AHR: variants seen among roughly 807,000 people sequenced by gnomAD.
AHR encodes the protein aryl hydrocarbon receptor.
Under a neutral mutation model 86.8 loss-of-function variants are expected in AHR, and 40 were observed. The observed-to-expected ratio is 0.46, with a 90% CI of 0.36 to 0.60. The LOEUF is 0.60. AHR is among the 20% of genes least tolerant of loss of function. The probability of loss-of-function intolerance (pLI) is 0.00; values close to 1 mark genes in which losing one functional copy is unlikely to be tolerated. For synonymous variants in AHR, 398 were observed against 354.9 expected, an observed-to-expected ratio of 1.12 and a Z score of -1.37; for missense variants, 1,001 against 1,011.6, an observed-to-expected ratio of 0.99 and a Z score of 0.14.
chr7:17,323,569 AC>A (rs1334686024), intron 3 of AHR, among the ~76,000 whole-genome samples: 1 of 152,134 alleles, frequency 6.6e-6, no homozygotes, highest in Admixed American at 6.6e-5. Context: ...GTGTGCTGTC[AC>A]CGCTATGTGA....
In AHR at chr7:17,299,014, C is replaced by G; in HGVS notation, c.-251C>G. 2.1e-6 allele frequency: 1 copy of G among 470,364 alleles called. No individual in the cohort carries two copies. Among genetic ancestry groups the G allele is most frequent in the Non-Finnish European group, 3.7e-6 (1 of 271,964 alleles). 29.1% of individuals were successfully genotyped at this position (470,364 alleles called of 1,614,324 possible). A position where few individuals can be genotyped will look rare whatever the true frequency, so the allele number is the denominator to read the frequency against. ...CACCTGCGCCGCCTTGCTCGCGGGT[C>G]TCCGCCCCTCGCCCACCCTCACTGC... On this transcript the variant is annotated 5_prime_UTR_variant, in exon 1 of 11. Coordinates refer to ENST00000242057, the MANE Select transcript of AHR (RefSeq NM_001621.5).
intron 1 of AHR, among the ~76,000 whole-genome samples, chr7:17,303,815 G>A (rs993357266): frequency 2.6e-5 from 4 of 151,950 alleles, no homozygotes; most frequent in African/African-American, 9.7e-5. Flanking sequence ...GAACCAAATC[G>A]TACACTCCAA....
At chr7:17,299,969 G>A (rs1190929469) in intron 1 of AHR, among the ~76,000 whole-genome samples, 2 of 152,238 alleles carry the variant, frequency 1.3e-5, no homozygotes, top group African/African-American at 2.4e-5. Context: ...GGATACGGTG[G>A]AGGATTTGTA....
rs1233054862 is a variant in AHR, at chr7:17,334,937, C to T, written c.959C>T (p.Ser320Leu). Residue 320 changes from serine (S) to leucine (L), a missense_variant, in exon 8 of 11, where the codon TCA becomes TTA. By Grantham distance (145) the Ser-to-Leu change is moderately radical. This residue lies in a region of AHR where 394 missense variants were observed against 468.5 expected (regional missense o/e 0.84). Coordinates refer to ENST00000242057, the MANE Select transcript of AHR (RefSeq NM_001621.5). ...GAAGCAGAGCTGTGCACGAGAGGCT[C>T]AGGTTATCAGTTTATTCATGCAGCT... ...YTEAELCTRG[S>L]GYQFIHAADM... The T allele has an allele frequency of 6.2e-7, 1 of 1,613,152 alleles. No homozygotes were observed. The highest frequency in any genetic ancestry group is 8.5e-7 in the Non-Finnish European group (1 of 1,179,422).
intron 9 of AHR, among the ~76,000 whole-genome samples, chr7:17,336,935 T>A (rs1782360141): frequency 6.6e-6 from 1 of 152,162 alleles, no homozygotes; most frequent in Non-Finnish European, 1.5e-5. Context: ...CCTTCTACTT[T>A]CTTTGGGTAT....
chr7:17,323,750 A>T (rs1782197628), intron 3 of AHR, among the ~76,000 whole-genome samples: 1 of 152,178 alleles, frequency 6.6e-6, no homozygotes, highest in Admixed American at 6.5e-5. Flanking sequence ...TGTTAGCAAA[A>T]ATTAACTTAT....
At chr7:17,337,405 T>G (rs1201194968) in intron 9 of AHR, among the ~76,000 whole-genome samples, 1 of 152,090 alleles carries the variant, frequency 6.6e-6, no homozygotes, top group Non-Finnish European at 1.5e-5. Context: ...ATATTTTATG[T>G]GCTTCTGTTA....
At chr7:17,337,770 C>T (rs191648918) in intron 9 of AHR, among the ~76,000 whole-genome samples, 10 of 151,774 alleles carry the variant, frequency 6.6e-5, no homozygotes, top group African/African-American at 1.9e-4. Context: ...CCACCGCGCC[C>T]GGCCCTTTTT....
rs1781925943 is a variant in AHR at position 17,299,182 on chromosome 7, C to T, written c.-83C>T. 8 of 1,453,776 alleles carry T rather than the reference C, an allele frequency of 5.5e-6. No individual in the cohort carries two copies. In the South Asian group the frequency reaches 9.3e-5, roughly 17 times the overall value. The allele number at this position is 1,453,776 out of a possible 1,614,324, so 90.1% of individuals were successfully genotyped here. On this transcript the variant is annotated 5_prime_UTR_variant, in exon 1 of 11. Transcript: ENST00000242057. ...GCTTCGCGGAACCCGGCGCCGGCCGCCGCAGTGGTCCCAGCCTACACCGGG... is the reference window on the plus strand; with the variant it reads ...GCTTCGCGGAACCCGGCGCCGGCCGTCGCAGTGGTCCCAGCCTACACCGGG...
intron 6 of AHR, 127 bp downstream of exon 6, chr7:17,331,013 A>G (rs2115364665): frequency 1.1e-6 from 1 of 913,374 alleles, no homozygotes; most frequent in East Asian, 2.7e-5. Context: ...TCAGAACCAG[A>G]GAGCTTCAGA....
In AHR at chr7:17,345,312, C is replaced by CA. The variant is rs77257221; in HGVS notation, c.*2262dup. Reference sequence around the variant, plus strand: ...TGGCAATAGACCGAGACTCCGTCTCCAAAAAAAAAAAAAATACAATTTTTA... The same window carrying CA: ...TGGCAATAGACCGAGACTCCGTCTCCAAAAAAAAAAAAAAATACAATTTTTA... On this transcript the variant is annotated 3_prime_UTR_variant, in exon 11 of 11. Transcript: ENST00000242057. The CA allele has an allele frequency of 0.02, 2,212 of 109,776 alleles. 18 individuals carry two copies. Among genetic ancestry groups the CA allele is most frequent in the Middle Eastern group, 0.049 (10 of 204 alleles). 6.8% of individuals were successfully genotyped at this position (109,776 alleles called of 1,614,324 possible). A position where few individuals can be genotyped will look rare whatever the true frequency, so the allele number is the denominator to read the frequency against.
At chr7:17,302,942 A>G (rs1372034652) in intron 1 of AHR, among the ~76,000 whole-genome samples, 1 of 152,020 alleles carries the variant, frequency 6.6e-6, no homozygotes, top group Non-Finnish European at 1.5e-5. Context: ...GCAGTATACG[A>G]TTATGTTCTC....
In AHR at chr7:17,343,106, T is replaced by C; in HGVS notation, c.*42T>C. On this transcript the variant is annotated 3_prime_UTR_variant, in exon 11 of 11. Transcript: ENST00000242057. ...GACCCTGGTTTTTGGATTAAATTAG[T>C]TTGTGAAGGATTATGGAAAAATAAA... 1 of 1,603,732 alleles carries C rather than the reference T, an allele frequency of 6.2e-7. No individual in the cohort carries two copies. Among genetic ancestry groups the C allele is most frequent in the South Asian group, 1.1e-5 (1 of 90,412 alleles).
At position 17,340,235 on chromosome 7, in the gene AHR, G is replaced by A. The variant is rs764234437; in HGVS notation, c.2403+7G>A. On this transcript the variant is annotated splice_region_variant and intron_variant, in intron 10 of 10. Coordinates refer to ENST00000242057, the MANE Select transcript of AHR (RefSeq NM_001621.5). ...ACAGGCATTTTTAAACAAGGTAAGG[G>A]TGTTATCAAACTGAATTAAATCTTT... 12 of 1,582,306 alleles carry A rather than the reference G, an allele frequency of 7.6e-6. No individual in the cohort carries two copies. In the East Asian group the frequency reaches 2.5e-4, roughly 33 times the overall value.
At chr7:17,317,116 G>GTTTTTTTTTTTTT (rs66779121) in intron 2 of AHR, among the ~76,000 whole-genome samples, 2 of 123,684 alleles carry the variant, frequency 1.6e-5, no homozygotes, top group Admixed American at 8.6e-5. Context: ...GGAGAATTTT[G>GTTTTTTTTTTTTT]TTTTTTTTTT....
At chr7:17,315,712 T>C (rs571078844) in intron 2 of AHR, among the ~76,000 whole-genome samples, 2 of 152,068 alleles carry the variant, frequency 1.3e-5, no homozygotes, top group East Asian at 1.9e-4. Context: ...TTAATGGAAA[T>C]GTACACCTTC....
intron 9 of AHR, among the ~76,000 whole-genome samples, chr7:17,337,996 G>A (rs920689647): frequency 2.7e-5 from 4 of 150,632 alleles, no homozygotes; most frequent in East Asian, 2.0e-4. Flanking sequence ...TCAGGAGATC[G>A]AGACCATCCT....
At chr7:17,329,458 A>G (rs1406039859) in intron 4 of AHR, among the ~76,000 whole-genome samples, 1 of 151,936 alleles carries the variant, frequency 6.6e-6, no homozygotes, top group Non-Finnish European at 1.5e-5. Flanking sequence ...AAGTGGGTTT[A>G]ATATGGTAAA....
At chr7:17,309,702 A>G (rs1174564859) in intron 1 of AHR, among the ~76,000 whole-genome samples, 2 of 152,158 alleles carry the variant, frequency 1.3e-5, no homozygotes, top group Non-Finnish European at 2.9e-5. Context: ...ATAAGCAAAC[A>G]TTTTCCTATG....
Sources: gnomAD v4.1 joint callset for allele counts (sites outside exome capture counted in the v4.1 genomes callset) on GRCh38, gnomAD v4.1.1 for gene constraint, gnomAD v4.1.1 regional missense constraint, MANE v1.5 for transcripts, NCBI Gene and HGNC (gene_info 2026-07-23, HGNC 2026-07-21) for gene names.